The following USP6 variants were observed in gnomAD, a reference collection of about 807,000 sequenced individuals.
The protein encoded by USP6 is ubiquitin specific peptidase 6.
USP6 carries 128 observed loss-of-function variants against 175.7 expected under a neutral mutation model. The observed-to-expected ratio is 0.73, with a 90% CI of 0.63 to 0.84. USP6 has a LOEUF of 0.84. Ranked by LOEUF, USP6 falls within the 40% of genes least tolerant of loss-of-function variation. The pLI, the probability that USP6 is intolerant of heterozygous loss-of-function variation, is 0.00. For synonymous variants in USP6, 562 were observed against 630.6 expected, an observed-to-expected ratio of 0.89 and a Z score of 1.63; for missense variants, 1,498 against 1,760.3, an observed-to-expected ratio of 0.85 and a Z score of 2.67.
intron 31 of USP6, among the ~76,000 whole-genome samples, chr17:5,156,140 T>C (rs2073879181): frequency 6.6e-6 from 1 of 152,220 alleles, no homozygotes; most frequent in Non-Finnish European, 1.5e-5. Flanking sequence ...TAACGTGAAG[T>C]AATTTCATAA....
chr17:5,138,929 A>G, intron 21 of USP6: 1 of 1,247,336 alleles, frequency 8.0e-7, no homozygotes, highest in Non-Finnish European at 1.1e-6. Flanking sequence ...GTGACATCCA[A>G]GGCCCCTCCC....
chr17:5,150,328 AAAT>A (rs1488113407), intron 30 of USP6, among the ~76,000 whole-genome samples: 1 of 149,586 alleles, frequency 6.7e-6, no homozygotes, highest in African/African-American at 2.4e-5. Context: ...ATAAATAAAT[AAAT>A]AAATAAAATA....
chr17:5,137,134 T>G lies in USP6; in HGVS notation c.773T>G (p.Leu258Arg), dbSNP rs1272934310. Residue 258 changes from leucine (L) to arginine (R), a missense_variant, in exon 19 of 38, where the codon CTA becomes CGA. Leu to Arg is a moderately radical substitution (Grantham distance 102). Coordinates refer to ENST00000574788, the MANE Select transcript of USP6 (RefSeq NM_001304284.2). ...KTMWHQDKEG[L>R]CGQCASLGCL... Reference sequence around the variant, plus strand: ...TCATCCCATCAGGACAAGGAAGGTCTATGCGGGCAGTGTGCCTCGTTAGGC... The same window carrying G: ...TCATCCCATCAGGACAAGGAAGGTCGATGCGGGCAGTGTGCCTCGTTAGGC... 1 of 1,613,490 alleles carries G rather than the reference T, an allele frequency of 6.2e-7. No individual in the cohort carries two copies. The highest frequency in any genetic ancestry group is 1.1e-5 in the South Asian group (1 of 91,080).
chr17:5,150,295 A>AAAATAAAT (rs201171351), intron 30 of USP6, among the ~76,000 whole-genome samples: 42,233 of 138,538 alleles, frequency 0.3, 7,300 homozygotes, highest in Non-Finnish European at 0.4. Flanking sequence ...TCCGTCTAAA[A>AAAATAAAT]AAATAAATAA....
chr17:5,133,785 T>C lies in USP6; in HGVS notation c.385-102T>C, dbSNP rs554125024. 4 of 1,346,586 alleles carry C rather than the reference T, an allele frequency of 3.0e-6. No homozygotes were observed. In the African/African-American group the frequency reaches 4.3e-5, roughly 14 times the overall value. 83.4% of individuals were successfully genotyped at this position (1,346,586 alleles called of 1,614,324 possible). ...TCTGCAGAAGGAAACCTTCCTTCTT[T>C]CCTTCCTTCCCGAAGTGCTGACTGT... On this transcript the variant is annotated intron_variant, in intron 14 of 37. Coordinates refer to ENST00000574788, the MANE Select transcript of USP6 (RefSeq NM_001304284.2).
chr17:5,159,225 G>A (rs1287019919), intron 31 of USP6, among the ~76,000 whole-genome samples: 2 of 152,198 alleles, frequency 1.3e-5, no homozygotes, highest in Non-Finnish European at 2.9e-5. Context: ...GTTTGAATAA[G>A]TAGTAAGTAA....
chr17:5,133,471 C>T lies in USP6; in HGVS notation c.305C>T (p.Pro102Leu), dbSNP rs1425093353. ...ATAGATCGAGTGTACAAGGGAATTC[C>T]CATGAACATCCGGGGCCCGGTGTGG... ...KLIDRVYKGI[P>L]MNIRGPVWSV... The change falls in exon 14 of 38, where the codon CCC (proline) becomes CTC (leucine). Residue 102 changes from proline to leucine, a missense_variant. Physicochemically the swap from Pro to Leu is moderately conservative, Grantham distance 98 (BLOSUM62 -3). Around this residue, in one of 2 missense-constraint regions of USP6, gnomAD observed 281 missense variants for 259.6 expected, o/e 1.08. Transcript: ENST00000574788. 6 of 1,611,712 alleles carry T rather than the reference C, an allele frequency of 3.7e-6. No homozygotes were observed. Among genetic ancestry groups the T allele is most frequent in the Admixed American group, 1.7e-5 (1 of 60,012 alleles).
chr17:5,133,406 C>A, intron 13 of USP6, 37 bp from the exon 14 acceptor site: 3 of 1,576,914 alleles, frequency 1.9e-6, no homozygotes, highest in South Asian at 1.1e-5. Context: ...TGGGGTCACC[C>A]CATGGCCTGT....
chr17:5,169,305 A>G (rs1009325447), intron 35 of USP6, among the ~76,000 whole-genome samples: 6 of 152,204 alleles, frequency 3.9e-5, no homozygotes, highest in African/African-American at 1.4e-4. Context: ...AGAGTAAAGC[A>G]CTTCACACAG....
chr17:5,162,565 G>T (rs2074025126), intron 32 of USP6, among the ~76,000 whole-genome samples: 1 of 152,164 alleles, frequency 6.6e-6, no homozygotes, highest in African/African-American at 2.4e-5. Context: ...GGAATTTCTT[G>T]CATGCTGTAG....
Position 5,171,428 on chromosome 17 carries a change from T to C in USP6, c.3955-159T>C, listed in dbSNP as rs570597178. The stretch of plus-strand genomic sequence containing the variant: ...GGAGCTTATGACTTTTGTATTTTGC[T>C]TTTTGCTTATTTTGGTTTTAGAGAA... On this transcript the variant is annotated intron_variant, in intron 36 of 37. Transcript: ENST00000574788. Among the ~76,000 whole-genome samples, 3 of 152,314 alleles carry C rather than the reference T, an allele frequency of 2.0e-5. No individual in the cohort carries two copies. In the South Asian group the frequency reaches 6.2e-4, roughly 32 times the overall value.
intron 4 of USP6, among the ~76,000 whole-genome samples, chr17:5,122,309 G>C (rs1410722363): frequency 6.6e-6 from 1 of 152,114 alleles, no homozygotes; most frequent in Non-Finnish European, 1.5e-5. Context: ...TGGATTTCTG[G>C]TTCCGATGAC....
Position 5,144,843 on chromosome 17 carries a change from G to T in USP6, c.1972G>T (p.Asp658Tyr). 5 of 1,602,384 alleles carry T rather than the reference G, an allele frequency of 3.1e-6. No individual in the cohort carries two copies. Among genetic ancestry groups the T allele is most frequent in the Non-Finnish European group, 4.3e-6 (5 of 1,171,018 alleles). Residue 658 changes from aspartate to tyrosine, a missense_variant, in exon 26 of 38, where the codon GAC becomes TAC. Asp to Tyr is a radical substitution (Grantham distance 160). Around this residue, in one of 2 missense-constraint regions of USP6, gnomAD observed 1,217 missense variants for 1,500.8 expected, o/e 0.81. Transcript: ENST00000574788. ...ACTGAAGGACAGTGATGGCCGACCA[G>T]ACTGGGAAGTAGCTGCAGAGGTTTG... ...VELKDSDGRP[D>Y]WEVAAEAWDN...
chr17:5,129,880 C>T (rs1003266897), intron 8 of USP6, 56 bp from the exon 9 acceptor site: 3 of 173,560 alleles, frequency 1.7e-5, no homozygotes, highest in African/African-American at 7.1e-5. Flanking sequence ...GCCATGGTAG[C>T]CCAAGTGATG....
At chr17:5,130,274 A>T in intron 9 of USP6, 93 bp from the exon 10 acceptor site, 2 of 1,281,062 alleles carry the variant, frequency 1.6e-6, no homozygotes, top group Non-Finnish European at 2.3e-6. Flanking sequence ...AGGTTATACA[A>T]CCAGCCAGCA....
chr17:5,121,325 C>T (rs1454715351), intron 3 of USP6, 50 bp from the exon 4 acceptor site: 1 of 343,924 alleles, frequency 2.9e-6, no homozygotes, highest in Admixed American at 4.0e-5. Flanking sequence ...TTTCCTGTGC[C>T]CCACTTCTGA....
At chr17:5,126,343 G>C (rs914278483) in intron 6 of USP6, among the ~76,000 whole-genome samples, 8 of 152,188 alleles carry the variant, frequency 5.3e-5, no homozygotes, top group African/African-American at 1.7e-4. Flanking sequence ...AGCCCAGGAA[G>C]GCAATAGACA....
chr17:5,139,929 G>A (rs1252207002), intron 22 of USP6, among the ~76,000 whole-genome samples: 2 of 152,010 alleles, frequency 1.3e-5, no homozygotes, highest in African/African-American at 4.8e-5. Context: ...AGCAGGCTTC[G>A]CATCCTTGTT....
At chr17:5,137,845 C>T (rs1227047723) in intron 20 of USP6, 95 bp downstream of exon 20, 2 of 1,590,530 alleles carry the variant, frequency 1.3e-6, no homozygotes, top group African/African-American at 2.7e-5. Context: ...TCATGATCCT[C>T]TGTTCTGGCC....
Sources: gnomAD v4.1 joint callset for allele counts (sites outside exome capture counted in the v4.1 genomes callset) on GRCh38, gnomAD v4.1.1 for gene constraint, gnomAD v4.1.1 regional missense constraint, MANE v1.5 for transcripts, NCBI Gene and HGNC (gene_info 2026-07-23, HGNC 2026-07-21) for gene names.